Variants in RABGAP1L observed in about 807,000 individuals in gnomAD.
RABGAP1L encodes the protein rab GTPase-activating protein 1-like.
Under a neutral mutation model 137.7 loss-of-function variants are expected in RABGAP1L, and 63 were observed. The ratio of observed to expected loss-of-function variants is 0.46; its 90% confidence interval spans 0.37 to 0.56. RABGAP1L has a LOEUF of 0.56. RABGAP1L is among the 20% of genes least tolerant of loss of function. The pLI is 0.00. For missense variants in RABGAP1L, 1,095 were observed against 1,244.0 expected (o/e 0.88, Z 1.80); for synonymous variants, 431 against 433.7 (o/e 0.99, Z 0.08).
chr1:174,581,553 A>T (rs1190534394), intron 13 of RABGAP1L, among the ~76,000 whole-genome samples: 1 of 152,192 alleles, frequency 6.6e-6, no homozygotes, highest in Non-Finnish European at 1.5e-5. Context: ...AATCAGAATT[A>T]TTGGAGGGTG....
At chr1:174,639,856 A>G (rs963957249) in intron 14 of RABGAP1L, among the ~76,000 whole-genome samples, 8 of 152,174 alleles carry the variant, frequency 5.3e-5, no homozygotes, top group African/African-American at 1.9e-4. Context: ...ATTCATTTGA[A>G]AATACTCATC....
chr1:174,956,840 G>A (rs1668582042), intron 19 of RABGAP1L, among the ~76,000 whole-genome samples: 3 of 151,804 alleles, frequency 2.0e-5, no homozygotes, highest in South Asian at 4.2e-4. Context: ...TAGAGACCGG[G>A]TTTCACCATG....
chr1:174,492,499 C>CTGTAA (rs1379910822), intron 13 of RABGAP1L, among the ~76,000 whole-genome samples: 2 of 152,048 alleles, frequency 1.3e-5, no homozygotes, highest in Non-Finnish European at 2.9e-5. Context: ...AGGCACATGC[C>CTGTAA]ACCACTCTCG....
intron 13 of RABGAP1L, among the ~76,000 whole-genome samples, chr1:174,634,842 A>T (rs928405559): frequency 7.1e-6 from 1 of 139,990 alleles, no homozygotes; most frequent in East Asian, 2.1e-4. Context: ...ATGAGATCAC[A>T]TGGACACAGG....
intron 1 of RABGAP1L, among the ~76,000 whole-genome samples, chr1:174,190,029 G>T (rs1198642147): frequency 6.6e-6 from 1 of 152,154 alleles, no homozygotes; most frequent in African/African-American, 2.4e-5. Context: ...CCTTGGCTGG[G>T]TGCAGTGGCT....
intron 18 of RABGAP1L, among the ~76,000 whole-genome samples, chr1:174,804,906 AAT>A (rs1689123747): frequency 1.3e-5 from 2 of 152,140 alleles, no homozygotes; most frequent in Admixed American, 6.5e-5. Flanking sequence ...AGCAGAGGAG[AAT>A]ATGTCTTCCC....
At chr1:174,866,731 G>A (rs1045784830) in intron 19 of RABGAP1L, among the ~76,000 whole-genome samples, 7 of 151,968 alleles carry the variant, frequency 4.6e-5, no homozygotes, top group Non-Finnish European at 1.0e-4. Context: ...GGGCAACATG[G>A]TGAAACCCCT....
chr1:174,685,270 A>G (rs1315554226), intron 15 of RABGAP1L, among the ~76,000 whole-genome samples: 1 of 152,008 alleles, frequency 6.6e-6, no homozygotes, highest in Non-Finnish European at 1.5e-5. Context: ...TTCTTTCTTT[A>G]GAGACAGAGT....
intron 14 of RABGAP1L, among the ~76,000 whole-genome samples, chr1:174,650,560 T>C (rs1557949610): frequency 3.3e-5 from 5 of 152,168 alleles, no homozygotes; most frequent in African/African-American, 1.2e-4. Flanking sequence ...GGTTTAGTCT[T>C]GGGAGGGTGT....
intron 5 of RABGAP1L, chr1:174,245,899 G>C (rs1672216913): frequency 6.6e-6 from 1 of 152,128 alleles, no homozygotes; most frequent in Non-Finnish European, 1.5e-5. Flanking sequence ...GCCTCCCAAA[G>C]TGCTGGGATT....
At chr1:174,595,957 G>C (rs1270983664) in intron 13 of RABGAP1L, among the ~76,000 whole-genome samples, 2 of 102,630 alleles carry the variant, frequency 1.9e-5, no homozygotes, top group Non-Finnish European at 1.8e-5. Context: ...CCCCAGCCTC[G>C]TTGCCGCCTT....
At chr1:174,589,702 T>C (rs550352876) in intron 13 of RABGAP1L, among the ~76,000 whole-genome samples, 2 of 152,336 alleles carry the variant, frequency 1.3e-5, no homozygotes, top group South Asian at 4.1e-4. Flanking sequence ...CCCAGCACCA[T>C]TTATTGAAGA....
intron 15 of RABGAP1L, among the ~76,000 whole-genome samples, chr1:174,685,714 C>T (rs1271016889): frequency 6.6e-6 from 1 of 152,000 alleles, no homozygotes; most frequent in East Asian, 1.9e-4. Flanking sequence ...CAGGCATGCG[C>T]CACCACACCG....
At chr1:174,508,649 A>G (rs1196014020) in intron 13 of RABGAP1L, among the ~76,000 whole-genome samples, 3 of 152,198 alleles carry the variant, frequency 2.0e-5, no homozygotes, top group Non-Finnish European at 4.4e-5. Flanking sequence ...AAATTGTTAT[A>G]GCATAATTCC....
At chr1:174,252,974 C>T (rs908905850) in intron 7 of RABGAP1L, among the ~76,000 whole-genome samples, 2 of 152,120 alleles carry the variant, frequency 1.3e-5, no homozygotes, top group Admixed American at 6.5e-5. Context: ...TATATAAATA[C>T]ATACACATAT....
At chr1:174,308,981 CAT>C (rs1277464598) in intron 11 of RABGAP1L, among the ~76,000 whole-genome samples, 1 of 151,936 alleles carries the variant, frequency 6.6e-6, no homozygotes, top group African/African-American at 2.4e-5. Context: ...GACATTTAAA[CAT>C]ATTAATTCTT....
At chr1:174,558,005 A>G (rs1410058201) in intron 13 of RABGAP1L, among the ~76,000 whole-genome samples, 2 of 152,222 alleles carry the variant, frequency 1.3e-5, no homozygotes, top group Non-Finnish European at 2.9e-5. Flanking sequence ...TTCCCAATTT[A>G]AAGAGTTACA....
intron 14 of RABGAP1L, among the ~76,000 whole-genome samples, chr1:174,659,286 C>T (rs563873532): frequency 6.7e-6 from 1 of 150,144 alleles, no homozygotes; most frequent in African/African-American, 2.4e-5. Flanking sequence ...GTTGCTGTTA[C>T]TGATTCCTCT....
intron 13 of RABGAP1L, among the ~76,000 whole-genome samples, chr1:174,504,719 T>G (rs1285347115): frequency 1.3e-5 from 2 of 152,100 alleles, no homozygotes; most frequent in Admixed American, 6.5e-5. Flanking sequence ...TATACAAAAA[T>G]TCAAGTCAAA....
Sources: gnomAD v4.1 joint callset for allele counts (sites outside exome capture counted in the v4.1 genomes callset) on GRCh38, gnomAD v4.1.1 for gene constraint, MANE v1.5 for transcripts, NCBI Gene and HGNC (gene_info 2026-07-23, HGNC 2026-07-21) for gene names.